Variants in TRIM5 observed in about 807,000 individuals in gnomAD.
TRIM5 encodes the protein tripartite motif containing 5, also known as tripartite motif-containing protein 5.
In TRIM5, 31 loss-of-function variants were observed where a neutral mutation model predicts 35.6. The observed-to-expected ratio is 0.87, with a 90% CI of 0.65 to 1.18. The LOEUF is 1.18. Ranked by LOEUF, TRIM5 falls within the 50% of genes most tolerant of loss-of-function variation. The pLI, the probability that TRIM5 is intolerant of heterozygous loss-of-function variation, is 0.00. For missense variants in TRIM5, 609 were observed against 591.6 expected (o/e 1.03, Z -0.31); for synonymous variants, 243 against 215.6 (o/e 1.13, Z -1.11).
the TRIM5 span, chr11:5,610,595 C>T: frequency 1.9e-5 from 30 of 1,604,238 alleles, no homozygotes; most frequent in Non-Finnish European, 2.2e-5. Flanking sequence ...TGGGCTGGCA[C>T]ATTCTGATCT....
the TRIM5 span, among the ~76,000 whole-genome samples, chr11:5,628,706 G>A: frequency 2.0e-5 from 3 of 152,038 alleles, no homozygotes; most frequent in Non-Finnish European, 4.4e-5. Context: ...TCCTAGCACT[G>A]TTGTAACCAA....
chr11:5,623,151 A>T, the TRIM5 span, among the ~76,000 whole-genome samples: 1 of 136,624 alleles, frequency 7.3e-6, no homozygotes, highest in African/African-American at 2.7e-5. Flanking sequence ...CTTTTTTTGG[A>T]ATAGAATGGG....
At chr11:5,614,309 T>G in the TRIM5 span, among the ~76,000 whole-genome samples, 1 of 152,346 alleles carries the variant, frequency 6.6e-6, no homozygotes, top group Middle Eastern at 3.4e-3. Flanking sequence ...CTTGTGGCAC[T>G]TGCTGTACCC....
At chr11:5,674,469 GAGGTACCCTCCAC>G (rs1445208730) in intron 4 of TRIM5, among the ~76,000 whole-genome samples, 3 of 152,242 alleles carry the variant, frequency 2.0e-5, no homozygotes, top group Non-Finnish European at 4.4e-5. Flanking sequence ...TAGCGTGTGA[GAGGTACCCTCCAC>G]AAGGAGAAAG....
At chr11:5,674,450 T>C (rs1851788871) in intron 4 of TRIM5, among the ~76,000 whole-genome samples, 1 of 152,208 alleles carries the variant, frequency 6.6e-6, no homozygotes, top group African/African-American at 2.4e-5. Flanking sequence ...CTTACAACTC[T>C]AGGCAGCATA....
intron 2 of TRIM5, among the ~76,000 whole-genome samples, chr11:5,679,378 C>A (rs1852246262): frequency 6.6e-6 from 1 of 152,174 alleles, no homozygotes; most frequent in South Asian, 2.1e-4. Context: ...CATCTCCTCA[C>A]CATGAGTAGA....
At chr11:5,622,361 C>T in the TRIM5 span, among the ~76,000 whole-genome samples, 1 of 151,316 alleles carries the variant, frequency 6.6e-6, no homozygotes, top group Non-Finnish European at 1.5e-5. Flanking sequence ...AGGAGAATGG[C>T]GTGAACCCGG....
chr11:5,605,686 G>A, the TRIM5 span: 15 of 1,215,198 alleles, frequency 1.2e-5, no homozygotes, highest in African/African-American at 7.7e-5. Context: ...TTCCTTTGGC[G>A]CTATAGTGCC....
the TRIM5 span, among the ~76,000 whole-genome samples, chr11:5,651,757 C>T: frequency 6.6e-6 from 1 of 152,184 alleles, no homozygotes; most frequent in Non-Finnish European, 1.5e-5. Context: ...TACATGCCCA[C>T]CAGTAGTGTG....
At chr11:5,674,703 A>C (rs1047463331) in intron 4 of TRIM5, among the ~76,000 whole-genome samples, 2 of 152,282 alleles carry the variant, frequency 1.3e-5, no homozygotes, top group African/African-American at 4.8e-5. Context: ...TGGTAGGACC[A>C]TTCTCAGTTG....
At chr11:5,659,047 A>T (rs1850726287), downstream of TRIM5, among the ~76,000 whole-genome samples, 1 of 152,146 alleles carries the variant, frequency 6.6e-6, no homozygotes, top group South Asian at 2.1e-4. Flanking sequence ...GAAATACCTA[A>T]TGTAAATGAC....
At chr11:5,641,250 G>A in the TRIM5 span, 3 of 1,611,514 alleles carry the variant, frequency 1.9e-6, no homozygotes, top group Non-Finnish European at 2.5e-6. Flanking sequence ...GTAGCTATTA[G>A]AGTTATTTGG....
At chr11:5,605,589 A>G in the TRIM5 span, 6 of 1,592,910 alleles carry the variant, frequency 3.8e-6, no homozygotes, top group Non-Finnish European at 4.3e-6. Context: ...GAAGGAGCCC[A>G]GATCTGAGAG....
chr11:5,631,714 A>C, the TRIM5 span, among the ~76,000 whole-genome samples: 1 of 152,314 alleles, frequency 6.6e-6, no homozygotes, highest in African/African-American at 2.4e-5. Flanking sequence ...AAGGAAGATA[A>C]TGAAACAATG....
Position 5,665,396 on chromosome 11 carries a change from C to T in TRIM5, c.896-1G>A. ...TTGTTTGGAGCCACTGTCACATCAACTGTAGAAAAATTAACAGGTCAGCTA... is the reference window on the plus strand; with the variant it reads ...TTGTTTGGAGCCACTGTCACATCAATTGTAGAAAAATTAACAGGTCAGCTA... On this transcript the variant is annotated splice_acceptor_variant, in intron 7 of 7. Transcript: ENST00000380034. LOFTEE classifies it high-confidence loss of function. The T allele has an allele frequency of 6.3e-7, 1 of 1,598,674 alleles. No homozygotes were observed. The highest frequency in any genetic ancestry group is 8.5e-7 in the Non-Finnish European group (1 of 1,173,180).
the TRIM5 span, among the ~76,000 whole-genome samples, chr11:5,615,954 A>T: frequency 7.9e-6 from 1 of 127,032 alleles, no homozygotes; most frequent in Non-Finnish European, 1.6e-5. Flanking sequence ...TTTTTTTGAG[A>T]CGGAGTCTCG....
chr11:5,621,595 A>G, the TRIM5 span, among the ~76,000 whole-genome samples: 1 of 152,208 alleles, frequency 6.6e-6, no homozygotes, highest in Non-Finnish European at 1.5e-5. Context: ...TCTACCATTA[A>G]TATATTATAT....
At chr11:5,654,303 T>C in the TRIM5 span, among the ~76,000 whole-genome samples, 2 of 152,202 alleles carry the variant, frequency 1.3e-5, no homozygotes, top group African/African-American at 4.8e-5. Context: ...CAGATTTTCA[T>C]AGAAAAATAC....
intron 6 of TRIM5, 105 bp from the exon 7 acceptor site, chr11:5,665,787 G>A (rs1851086216): frequency 1.4e-6 from 2 of 1,440,252 alleles, no homozygotes; most frequent in African/African-American, 1.4e-5. Flanking sequence ...CTATGGTAGG[G>A]CAGTAAATTG....
Sources: allele counts gnomAD v4.1 joint callset (sites outside exome capture counted in the v4.1 genomes callset), GRCh38; gene constraint gnomAD v4.1.1; transcripts MANE v1.5; gene names NCBI Gene and HGNC (gene_info 2026-07-23, HGNC 2026-07-21).